Variants in DIP2B observed in about 807,000 individuals in gnomAD.
DIP2B encodes DIP2 acetate--CoA ligase B (putative).
A neutral mutation model predicts 198.0 loss-of-function variants in DIP2B; 76 were observed. That is an observed-to-expected ratio of 0.38 (90% CI 0.32 to 0.46). DIP2B has a LOEUF of 0.46. DIP2B is among the 20% of genes least tolerant of loss of function. The pLI, the probability that DIP2B is intolerant of heterozygous loss-of-function variation, is 0.99. For missense variants in DIP2B, 1,559 were observed against 1,978.4 expected (o/e 0.79, Z 4.02); for synonymous variants, 701 against 739.1 (o/e 0.95, Z 0.84).
At chr12:50,540,608 G>C (rs530194400) in intron 1 of DIP2B, among the ~76,000 whole-genome samples, 2 of 149,836 alleles carry the variant, frequency 1.3e-5, no homozygotes, top group Non-Finnish European at 3.0e-5. Context: ...GAGTGCAGTG[G>C]TGCGATCTCG....
intron 1 of DIP2B, among the ~76,000 whole-genome samples, chr12:50,572,740 A>G (rs1958626225): frequency 6.6e-6 from 1 of 152,216 alleles, no homozygotes; most frequent in Non-Finnish European, 1.5e-5. Flanking sequence ...AATGTTGGTT[A>G]CAGGTTCTCC....
At chr12:50,567,925 G>A (rs559468615) in intron 1 of DIP2B, among the ~76,000 whole-genome samples, 1 of 152,166 alleles carries the variant, frequency 6.6e-6, no homozygotes, top group African/African-American at 2.4e-5. Flanking sequence ...TTGGTCCTTT[G>A]TATGTTGAGT....
rs114409012 is a variant in DIP2B, at chr12:50,635,519, C to T, written c.173-5205C>T. 7.4e-4 allele frequency among the ~76,000 whole-genome samples: 112 copies of T among 152,304 alleles called. 1 individual carries two copies. The highest frequency in any genetic ancestry group is 2.3e-3 in the African/African-American group (95 of 41,568). On this transcript the variant is annotated intron_variant, in intron 2 of 37. Coordinates refer to ENST00000301180, the MANE Select transcript of DIP2B (RefSeq NM_173602.3). ...GATTGCTGCTTGCTGTGCTGAGTGGCAGTCCCCGGTGTTCCAGTTCCTATA... is the reference window on the plus strand; with the variant it reads ...GATTGCTGCTTGCTGTGCTGAGTGGTAGTCCCCGGTGTTCCAGTTCCTATA...
At chr12:50,593,719 T>TCCCCTCC (rs1565837036) in intron 1 of DIP2B, among the ~76,000 whole-genome samples, 2 of 3,972 alleles carry the variant, frequency 5.0e-4, no homozygotes, top group Admixed American at 2.4e-3. Flanking sequence ...TCCTCTCCTC[T>TCCCCTCC]CCTCTCCTCT....
chr12:50,742,984 C>T (rs1164997295), intron 37 of DIP2B, among the ~76,000 whole-genome samples: 6 of 152,174 alleles, frequency 3.9e-5, no homozygotes, highest in African/African-American at 1.2e-4. Flanking sequence ...CTTTAGACAT[C>T]TGGAAAGCAT....
intron 32 of DIP2B, among the ~76,000 whole-genome samples, chr12:50,733,020 G>A (rs762687243): frequency 6.6e-6 from 1 of 151,522 alleles, no homozygotes; most frequent in Non-Finnish European, 1.5e-5. Flanking sequence ...GTTCTCTCAC[G>A]TCAGCCTCCA....
At position 50,609,583 on chromosome 12, in the gene DIP2B, C is replaced by G. The variant is rs931774048; in HGVS notation, c.101-16393C>G. On this transcript the variant is annotated intron_variant, in intron 1 of 37. Coordinates refer to ENST00000301180, the MANE Select transcript of DIP2B (RefSeq NM_173602.3). ...GAAGGGAGAAAGAGAAGGGAAGATA[C>G]ACCCATTCCATTTAAGAGCAAGATC... Among the ~76,000 whole-genome samples the G allele has an allele frequency of 7.2e-5, 11 of 152,214 alleles. 1 individual carries two copies. The highest frequency in any genetic ancestry group is 1.3e-4 in the Non-Finnish European group (9 of 68,038).
intron 7 of DIP2B, 103 bp from the exon 8 acceptor site, chr12:50,678,576 G>C: frequency 1.6e-6 from 2 of 1,274,270 alleles, no homozygotes; most frequent in East Asian, 4.7e-5. Flanking sequence ...GTTTAAACCA[G>C]GTAAATATGA....
intron 12 of DIP2B, among the ~76,000 whole-genome samples, chr12:50,688,113 G>A (rs1939162452): frequency 1.3e-5 from 2 of 152,000 alleles, no homozygotes; most frequent in South Asian, 4.1e-4. Context: ...TTGGGAGGTT[G>A]AGGCGGGAGG....
chr12:50,593,248 T>C (rs913782937), intron 1 of DIP2B, among the ~76,000 whole-genome samples: 14 of 152,176 alleles, frequency 9.2e-5, no homozygotes, highest in Non-Finnish European at 1.9e-4. Context: ...GGCTCACGCC[T>C]GTAATCCCAG....
intron 1 of DIP2B, among the ~76,000 whole-genome samples, chr12:50,513,454 G>A (rs906226755): frequency 6.6e-6 from 1 of 152,160 alleles, no homozygotes; most frequent in African/African-American, 2.4e-5. Context: ...CTGAGACTTA[G>A]CATCTACAAG....
chr12:50,545,387 C>T (rs1593596945), intron 1 of DIP2B, among the ~76,000 whole-genome samples: 2 of 146,746 alleles, frequency 1.4e-5, no homozygotes, highest in African/African-American at 5.1e-5. Context: ...CCTCCTCTCC[C>T]CTCCCTCCCC....
At chr12:50,639,948 A>G (rs1475101529) in intron 2 of DIP2B, among the ~76,000 whole-genome samples, 2 of 152,186 alleles carry the variant, frequency 1.3e-5, no homozygotes, top group Admixed American at 6.5e-5. Context: ...GAAATGAGGC[A>G]TTGCTGTTCT....
At chr12:50,649,906 A>G (rs1365548544) in intron 3 of DIP2B, among the ~76,000 whole-genome samples, 29 of 152,088 alleles carry the variant, frequency 1.9e-4, no homozygotes, top group Non-Finnish European at 2.1e-4. Context: ...TAAAAGAGAA[A>G]CCATATTAAG....
At chr12:50,556,206 C>A (rs1012761728) in intron 1 of DIP2B, among the ~76,000 whole-genome samples, 2 of 151,964 alleles carry the variant, frequency 1.3e-5, no homozygotes, top group African/African-American at 4.8e-5. Context: ...CCTGCCACCA[C>A]ACCTGGCTAA....
At chr12:50,730,776 A>G (rs1940028623) in intron 30 of DIP2B, among the ~76,000 whole-genome samples, 1 of 151,908 alleles carries the variant, frequency 6.6e-6, no homozygotes, top group African/African-American at 2.4e-5. Context: ...GAACACCCTC[A>G]CTACCGTCCC....
At chr12:50,712,331 T>C (rs1191140924) in intron 22 of DIP2B, among the ~76,000 whole-genome samples, 1 of 152,166 alleles carries the variant, frequency 6.6e-6, no homozygotes, top group East Asian at 1.9e-4. Flanking sequence ...TAGCCAGGCA[T>C]GATGGCTCAT....
intron 19 of DIP2B, among the ~76,000 whole-genome samples, chr12:50,701,380 T>G (rs766940682): frequency 2.0e-5 from 3 of 152,174 alleles, no homozygotes; most frequent in African/African-American, 7.2e-5. Context: ...GGTTTGTTTT[T>G]TTGTTGTTGT....
chr12:50,682,894 T>C (rs1275507835), intron 9 of DIP2B, among the ~76,000 whole-genome samples: 1 of 152,138 alleles, frequency 6.6e-6, no homozygotes, highest in Non-Finnish European at 1.5e-5. Flanking sequence ...AAGTGAAAAA[T>C]TGTGATGAGG....
Sources: allele counts gnomAD v4.1 joint callset (sites outside exome capture counted in the v4.1 genomes callset), GRCh38; gene constraint gnomAD v4.1.1; transcripts MANE v1.5; gene names NCBI Gene and HGNC (gene_info 2026-07-23, HGNC 2026-07-21).